The following BEND2 variants were observed in gnomAD, a reference collection of about 807,000 sequenced individuals.
The protein encoded by BEND2 is BEN domain containing 2.
Under a neutral mutation model 43.8 loss-of-function variants are expected in BEND2, and 19 were observed. The observed-to-expected ratio is 0.43, with a 90% CI of 0.30 to 0.64. The LOEUF is 0.64. BEND2 is among the 30% of genes least tolerant of loss of function. BEND2 has a pLI of 0.11. For missense variants in BEND2, 544 were observed against 574.0 expected, an observed-to-expected ratio of 0.95 and a Z score of 0.53; for synonymous variants, 226 against 210.1, an observed-to-expected ratio of 1.08 and a Z score of -0.66.
intron 4 of BEND2, among the ~76,000 whole-genome samples, chrX:18,207,147 C>G (rs896331909): frequency 4.5e-5 from 5 of 111,737 alleles, no homozygotes; most frequent in Non-Finnish European, 9.4e-5. Flanking sequence ...CCACTTCCCC[C>G]CAAGACTGCA....
At position 18,165,069 on chromosome X, in the gene BEND2, A is replaced by AG. The variant is rs747908821; in HGVS notation, c.2339dup (p.Pro781SerfsTer16). ...GCTTTGACTCCTGCTCCAGCTCTGG[A>AG]GGGGTCACTGCTGGAAGCGACTGAG... On this transcript the variant is annotated frameshift_variant, in exon 14 of 14. Coordinates refer to ENST00000380033, the MANE Select transcript of BEND2 (RefSeq NM_153346.5). LOFTEE classifies it low-confidence loss of function (END_TRUNC). 15 of 1,209,198 alleles carry AG rather than the reference A, an allele frequency of 1.2e-5. No homozygotes were observed. The highest frequency in any genetic ancestry group is 2.2e-5 in the Admixed American group (1 of 45,883).
chrX:18,211,724 G>A (rs1019999155), intron 4 of BEND2, among the ~76,000 whole-genome samples: 70 of 109,859 alleles, frequency 6.4e-4, no homozygotes, highest in Admixed American at 1.4e-3. Flanking sequence ...TGGAGGTTGC[G>A]GTGAGCCGAG....
At chrX:18,185,397 G>A (rs1438707438) in intron 8 of BEND2, among the ~76,000 whole-genome samples, 1 of 108,739 alleles carries the variant, frequency 9.2e-6, no homozygotes, top group Admixed American at 1.0e-4. Context: ...CAGGCATGGT[G>A]GCGCGTGCCT....
In BEND2 at chrX:18,171,188, T is replaced by C. The variant is rs1923966414; in HGVS notation, c.1998A>G (p.Pro666=). Residue 666 remains proline (P), a synonymous_variant, in exon 13 of 14, where the codon CCA becomes CCG. Transcript: ENST00000380033. ...AACATGGCATCCGTATATTTCTCCA[T>C]GGTCTTCCAAAATAGCCTAGAAGCA... ...PGEAWSYFGR[P]WRNIRMPCSV... The C allele has an allele frequency of 3.3e-6, 4 of 1,206,469 alleles. No homozygotes were observed. Among genetic ancestry groups the C allele is most frequent in the African/African-American group, 1.7e-5 (1 of 57,896 alleles).
chrX:18,192,588 C>T (rs1188715626), intron 7 of BEND2, among the ~76,000 whole-genome samples: 2 of 112,366 alleles, frequency 1.8e-5, no homozygotes, highest in East Asian at 5.6e-4. Flanking sequence ...AGCCTTTGCA[C>T]TCTTGGACAT....
Position 18,209,498 on chromosome X carries a change from C to T in BEND2, c.492+3067G>A, listed in dbSNP as rs1253674183. ...ATGTTAACCAAGTGATCAATGTTAA[C>T]ATCACCAATAAAAAAAATATCAACA... is the stretch of plus-strand genomic sequence containing the variant. On this transcript the variant is annotated intron_variant, in intron 4 of 13. Coordinates refer to ENST00000380033, the MANE Select transcript of BEND2 (RefSeq NM_153346.5). Among the ~76,000 whole-genome samples the T allele has an allele frequency of 5.4e-5, 6 of 111,722 alleles. No homozygotes were observed. The Admixed American group carries it at 5.7e-4, about 11-fold the overall frequency.
At chrX:18,200,439 G>A (rs764407678) in intron 6 of BEND2, among the ~76,000 whole-genome samples, 1 of 103,641 alleles carries the variant, frequency 9.6e-6, no homozygotes, top group Non-Finnish European at 2.0e-5. Flanking sequence ...GGAGGCAGAA[G>A]TTGCAGTAAG....
intron 11 of BEND2, among the ~76,000 whole-genome samples, chrX:18,175,572 A>C (rs777326602): frequency 8.9e-6 from 1 of 111,985 alleles, no homozygotes; most frequent in East Asian, 2.8e-4. Context: ...GTGAACAAGT[A>C]ACGAAGTGCC....
chrX:18,180,287 C>A (rs924003679), intron 9 of BEND2, among the ~76,000 whole-genome samples: 8 of 112,604 alleles, frequency 7.1e-5, no homozygotes, highest in African/African-American at 2.6e-4. Flanking sequence ...AGTGCCAACA[C>A]CATGGAGTCA....
At position 18,177,647 on chromosome X, in the gene BEND2, T is replaced by C; in HGVS notation, c.1552A>G (p.Ile518Val). 2.5e-6 allele frequency: 3 copies of C among 1,211,281 alleles called. No individual in the cohort carries two copies. Among genetic ancestry groups the C allele is most frequent in the Non-Finnish European group, 3.4e-6 (3 of 895,238 alleles). ...YLVRILFSKE[I>V]LISSSVDIHL... ...ATATCCACTGAGCTGCTAATCAGGA[T>C]TTCCTTGGAGAACAAAATACGAACC... Residue 518 changes from isoleucine to valine, a missense_variant, in exon 10 of 14, where the codon ATC becomes GTC. Transcript: ENST00000380033.
Position 18,219,029 on chromosome X carries a change from C to T in BEND2, c.25+1697G>A, listed in dbSNP as rs180829494. Among the ~76,000 whole-genome samples, 3 of 111,794 alleles carry T rather than the reference C, an allele frequency of 2.7e-5. No homozygotes were observed. The Admixed American group carries it at 2.8e-4, about 11-fold the overall frequency. ...CCACTTTGAGGAACACACAGCAAAACGGGGCCAATTACAACAGCCAGACCG... is the reference window on the plus strand; with the variant it reads ...CCACTTTGAGGAACACACAGCAAAATGGGGCCAATTACAACAGCCAGACCG... On this transcript the variant is annotated intron_variant, in intron 1 of 13. Transcript: ENST00000380033.
At chrX:18,172,520 T>G (rs1481616827) in intron 12 of BEND2, among the ~76,000 whole-genome samples, 1 of 110,226 alleles carries the variant, frequency 9.1e-6, no homozygotes, top group Non-Finnish European at 1.9e-5. Flanking sequence ...GGTGAAACCC[T>G]GTCTCTACTA....
At chrX:18,220,594 C>A in intron 1 of BEND2, 132 bp downstream of exon 1, 1 of 959,614 alleles carries the variant, frequency 1.0e-6, no homozygotes, top group South Asian at 2.1e-5. Flanking sequence ...CAGAGGCCGC[C>A]CCCCGACACG....
At chrX:18,182,916 C>T (rs1476613459) in intron 8 of BEND2, among the ~76,000 whole-genome samples, 2 of 109,320 alleles carry the variant, frequency 1.8e-5, no homozygotes, top group Non-Finnish European at 3.8e-5. Context: ...GTAGTACACG[C>T]CTATAGTTCC....
chrX:18,186,458 GA>G (rs762170297), intron 8 of BEND2, among the ~76,000 whole-genome samples: 2,526 of 46,007 alleles, frequency 0.055, 98 homozygotes, highest in African/African-American at 0.16. Flanking sequence ...AACTCCGTCG[GA>G]AAAAAAAAAA....
At chrX:18,202,253 C>G (rs1406314326) in intron 5 of BEND2, among the ~76,000 whole-genome samples, 3 of 111,892 alleles carry the variant, frequency 2.7e-5, no homozygotes, top group African/African-American at 9.7e-5. Context: ...ATACAGCGCC[C>G]CTGGAAAATA....
chrX:18,183,201 T>C (rs1924456490), intron 8 of BEND2, among the ~76,000 whole-genome samples: 1 of 109,424 alleles, frequency 9.1e-6, no homozygotes, highest in African/African-American at 3.3e-5. Flanking sequence ...CTATGGACCA[T>C]TCACCAAGAC....
At chrX:18,169,654 G>T (rs974643004) in intron 13 of BEND2, among the ~76,000 whole-genome samples, 4 of 111,461 alleles carry the variant, frequency 3.6e-5, no homozygotes, top group African/African-American at 1.3e-4. Flanking sequence ...CTTGGGGCTG[G>T]CTCTGCCCCT....
At chrX:18,169,879 A>G (rs1459386106) in intron 13 of BEND2, among the ~76,000 whole-genome samples, 1 of 112,478 alleles carries the variant, frequency 8.9e-6, no homozygotes, top group Non-Finnish European at 1.9e-5. Flanking sequence ...TAAAAGGCTT[A>G]GGAAAATATT....
Sources: allele counts gnomAD v4.1 joint callset (sites outside exome capture counted in the v4.1 genomes callset), GRCh38; gene constraint gnomAD v4.1.1; transcripts MANE v1.5; gene names NCBI Gene and HGNC (gene_info 2026-07-23, HGNC 2026-07-21).